TTC7B: variants seen among roughly 807,000 people sequenced by gnomAD.
The protein encoded by TTC7B is tetratricopeptide repeat protein 7B.
A neutral mutation model predicts 106.8 loss-of-function variants in TTC7B; 28 were observed. The ratio of observed to expected loss-of-function variants is 0.26; its 90% CI spans 0.19 to 0.36. The LOEUF is 0.36. Ranked by LOEUF, TTC7B falls within the 10% of genes least tolerant of loss-of-function variation. TTC7B has a pLI of 1.00. For missense variants in TTC7B, 862 were observed against 1,076.4 expected (o/e 0.80, Z 2.79); for synonymous variants, 405 against 430.6 (o/e 0.94, Z 0.74).
chr14:90,651,310 CAGTT>C (rs745805477), intron 13 of TTC7B, among the ~76,000 whole-genome samples: 6 of 152,222 alleles, frequency 3.9e-5, no homozygotes, highest in Non-Finnish European at 5.9e-5. Flanking sequence ...GCAATATCAT[CAGTT>C]AGGTTAGCGG....
At chr14:90,723,184 C>A (rs1165669982) in intron 5 of TTC7B, among the ~76,000 whole-genome samples, 1 of 152,160 alleles carries the variant, frequency 6.6e-6, no homozygotes, top group Non-Finnish European at 1.5e-5. Context: ...AAGGCTGAAA[C>A]TGGGGAGTCA....
At chr14:90,660,212 C>A (rs1202257797) in intron 9 of TTC7B, among the ~76,000 whole-genome samples, 1 of 151,234 alleles carries the variant, frequency 6.6e-6, no homozygotes, top group African/African-American at 2.4e-5. Flanking sequence ...AGCGAGACCC[C>A]TGTCTCTACA....
At chr14:90,779,720 T>C (rs1891147689) in intron 3 of TTC7B, among the ~76,000 whole-genome samples, 1 of 152,264 alleles carries the variant, frequency 6.6e-6, no homozygotes, top group Non-Finnish European at 1.5e-5. Context: ...GGTGTGATTA[T>C]GCCCATTACA....
intron 4 of TTC7B, among the ~76,000 whole-genome samples, chr14:90,741,891 C>A (rs1237312742): frequency 6.6e-6 from 1 of 152,098 alleles, no homozygotes; most frequent in South Asian, 2.1e-4. Context: ...TCTCAGCTTG[C>A]TGAAATCTGG....
Position 90,677,635 on chromosome 14 carries a change from C to G in TTC7B, c.1015-975G>C, listed in dbSNP as rs184609891. Among the ~76,000 whole-genome samples the G allele has an allele frequency of 3.9e-3, 595 of 152,310 alleles. 1 individual carries two copies. Among genetic ancestry groups the G allele is most frequent in the Non-Finnish European group, 6.8e-3 (462 of 68,022 alleles). ...CTGTAGGAGCAGAGAAAGGCCCCCC[C>G]AGTCTTTCCTGTGAAAGTGGTACAT... On this transcript the variant is annotated intron_variant, in intron 8 of 19. Coordinates refer to ENST00000328459, the MANE Select transcript of TTC7B (RefSeq NM_001010854.2).
intron 9 of TTC7B, among the ~76,000 whole-genome samples, chr14:90,658,595 C>A (rs941955083): frequency 6.6e-6 from 1 of 152,230 alleles, no homozygotes; most frequent in African/African-American, 2.4e-5. Flanking sequence ...CAACCTACAA[C>A]TGACCAGAGC....
chr14:90,786,048 T>C, intron 2 of TTC7B, 126 bp downstream of exon 2: 1 of 1,164,782 alleles, frequency 8.6e-7, no homozygotes, highest in Non-Finnish European at 1.1e-6. Flanking sequence ...CTGGCCCGCT[T>C]CTAAGAAGAC....
intron 3 of TTC7B, among the ~76,000 whole-genome samples, chr14:90,756,364 A>G (rs1327571036): frequency 8.0e-6 from 1 of 125,492 alleles, no homozygotes; most frequent in East Asian, 2.3e-4. Context: ...GTTTTATTTT[A>G]TTTTCTTCTT....
At chr14:90,559,590 C>A (rs1443810334) in intron 19 of TTC7B, among the ~76,000 whole-genome samples, 5 of 152,210 alleles carry the variant, frequency 3.3e-5, no homozygotes, top group Admixed American at 2.6e-4. Flanking sequence ...GGCCCTAAAG[C>A]CCACCCTACA....
chr14:90,678,292 A>G (rs1231299071), intron 8 of TTC7B, among the ~76,000 whole-genome samples: 1 of 152,246 alleles, frequency 6.6e-6, no homozygotes, highest in Non-Finnish European at 1.5e-5. Flanking sequence ...TTTGATTTGT[A>G]GTTAGAAAAC....
At position 90,602,656 on chromosome 14, in the gene TTC7B, G is replaced by A. The variant is rs755808684; in HGVS notation, c.1966+8086C>T. Among the ~76,000 whole-genome samples, 155 of 151,280 alleles carry A rather than the reference G, an allele frequency of 1.0e-3. 2 individuals carry two copies. Among genetic ancestry groups the A allele is most frequent in the Non-Finnish European group, 2.5e-4 (17 of 67,936 alleles). ...TTCCAGGCTTCAGTGAGCTGTAATC[G>A]TGTCATTGCACTCCAGCCTGATCTA... On this transcript the variant is annotated intron_variant, in intron 17 of 19. Transcript: ENST00000328459.
intron 3 of TTC7B, among the ~76,000 whole-genome samples, chr14:90,778,616 A>G (rs1022472447): frequency 6.6e-6 from 1 of 152,022 alleles, no homozygotes; most frequent in Non-Finnish European, 1.5e-5. Context: ...ACAGCTGCTG[A>G]GGCACGTGAG....
chr14:90,685,742 C>T (rs1193533163), intron 7 of TTC7B, among the ~76,000 whole-genome samples: 1 of 152,062 alleles, frequency 6.6e-6, no homozygotes, highest in African/African-American at 2.4e-5. Context: ...AGGTAATTTA[C>T]ATGAAGCAGA....
chr14:90,654,729 G>T (rs551813739), intron 12 of TTC7B, among the ~76,000 whole-genome samples: 1 of 152,302 alleles, frequency 6.6e-6, no homozygotes, highest in South Asian at 2.1e-4. Flanking sequence ...AAAGCGCAGT[G>T]AGGTGCCCAG....
At chr14:90,629,575 C>T (rs1884601282) in intron 15 of TTC7B, among the ~76,000 whole-genome samples, 1 of 152,206 alleles carries the variant, frequency 6.6e-6, no homozygotes, top group South Asian at 2.1e-4. Context: ...TAGCAGGCAG[C>T]CCGGGGCCAG....
In TTC7B at chr14:90,647,010, A is replaced by T. The variant is rs1885486654; in HGVS notation, c.1531T>A (p.Ser511Thr). 1 of 1,614,096 alleles carries T rather than the reference A, an allele frequency of 6.2e-7. No individual in the cohort carries two copies. Among genetic ancestry groups the T allele is most frequent in the Admixed American group, 1.7e-5 (1 of 60,006 alleles). ...LLAFQRAHSL[S>T]PTDHQAAFYL... The stretch of plus-strand genomic sequence containing the variant: ...AAAGCTGCTTGGTGATCTGTGGGTG[A>T]CAGGCTGTGGGCCCTGAAAAAGTAT... Residue 511 changes from serine to threonine, a missense_variant, in exon 14 of 20, where the codon TCA becomes ACA. Physicochemically the swap from Ser to Thr is moderately conservative, Grantham distance 58. Transcript: ENST00000328459.
At chr14:90,651,375 C>T (rs781199068) in intron 13 of TTC7B, among the ~76,000 whole-genome samples, 10 of 152,108 alleles carry the variant, frequency 6.6e-5, no homozygotes, top group East Asian at 3.8e-4. Context: ...AAAATCTCTT[C>T]GAATTTAAAC....
At chr14:90,662,214 A>G (rs1482217343) in intron 9 of TTC7B, among the ~76,000 whole-genome samples, 2 of 152,240 alleles carry the variant, frequency 1.3e-5, no homozygotes, top group Admixed American at 1.3e-4. Context: ...AGCCAATCAC[A>G]GGCTCCTGCC....
chr14:90,702,758 T>C (rs1208830367), intron 5 of TTC7B, among the ~76,000 whole-genome samples: 1 of 152,156 alleles, frequency 6.6e-6, no homozygotes, highest in African/African-American at 2.4e-5. Flanking sequence ...CCATGTCAGG[T>C]AAGAACAGTA....
Sources: gnomAD v4.1 joint callset for allele counts (sites outside exome capture counted in the v4.1 genomes callset) on GRCh38, gnomAD v4.1.1 for gene constraint, MANE v1.5 for transcripts, NCBI Gene and HGNC (gene_info 2026-07-23, HGNC 2026-07-21) for gene names.